ZDHHC20: variants seen among roughly 807,000 people sequenced by gnomAD.
The protein encoded by ZDHHC20 is zDHHC palmitoyltransferase 20.
Under a neutral mutation model 57.8 loss-of-function variants are expected in ZDHHC20, and 43 were observed. That is an observed-to-expected ratio of 0.74 (90% CI 0.58 to 0.96). The LOEUF is 0.96. Ranked by LOEUF, ZDHHC20 falls within the 40% of genes least tolerant of loss-of-function variation. The probability of loss-of-function intolerance (pLI) is 0.00; values close to 1 mark genes in which losing one functional copy is unlikely to be tolerated. For missense variants in ZDHHC20, 391 were observed against 441.1 expected (o/e 0.89, Z 1.02); for synonymous variants, 157 against 153.0 (o/e 1.03, Z -0.19).
At chr13:21,404,425 T>C (rs1878159737) in intron 4 of ZDHHC20, 3 of 454,972 alleles carry the variant, frequency 6.6e-6, no homozygotes, top group Non-Finnish European at 1.3e-5. Context: ...AACCCTAATA[T>C]GGAAAAATAC....
At chr13:21,420,009 G>T (rs934573017) in intron 3 of ZDHHC20, among the ~76,000 whole-genome samples, 1 of 152,170 alleles carries the variant, frequency 6.6e-6, no homozygotes, top group African/African-American at 2.4e-5. Context: ...GCTTAGGCCG[G>T]GCGTAAATGG....
chr13:21,451,938 G>A (rs775210190), intron 1 of ZDHHC20, among the ~76,000 whole-genome samples: 31 of 149,222 alleles, frequency 2.1e-4, no homozygotes, highest in Admixed American at 6.0e-4. Flanking sequence ...AGGTTGCAAT[G>A]AGCCGAGATC....
In ZDHHC20 at chr13:21,437,792, C is replaced by T. The variant is rs55757092; in HGVS notation, c.119-12114G>A. On this transcript the variant is annotated intron_variant, in intron 1 of 12. Transcript: ENST00000400590. ...CTGCCACCTCCACCTCCCGGGTTCA[C>T]GCCATTCTCCTGCCTCAGCCTCCTA... Among the ~76,000 whole-genome samples the T allele has an allele frequency of 5.5e-3, 838 of 152,104 alleles. 5 individuals carry two copies. The highest frequency in any genetic ancestry group is 9.0e-3 in the Non-Finnish European group (610 of 67,990).
chr13:21,382,505 CATT>C (rs1873603463), intron 10 of ZDHHC20, among the ~76,000 whole-genome samples: 1 of 152,142 alleles, frequency 6.6e-6, no homozygotes, highest in Admixed American at 6.5e-5. Flanking sequence ...TTTGAATCCT[CATT>C]ATTTTGATAG....
At chr13:21,441,485 A>C in intron 1 of ZDHHC20, among the ~76,000 whole-genome samples, 1 of 144,110 alleles carries the variant, frequency 6.9e-6, no homozygotes, top group Admixed American at 7.0e-5. Flanking sequence ...TCCTGGGTTC[A>C]CGCCATTCTC....
At chr13:21,381,636 C>T in intron 10 of ZDHHC20, 87 bp from the exon 11 acceptor site, 1 of 899,562 alleles carries the variant, frequency 1.1e-6, no homozygotes, top group Admixed American at 2.3e-5. Context: ...ATTAGTATTC[C>T]TTCTCCTAAA....
chr13:21,424,098 C>T (rs959104440), intron 2 of ZDHHC20, among the ~76,000 whole-genome samples: 2 of 152,014 alleles, frequency 1.3e-5, no homozygotes, highest in African/African-American at 2.4e-5. Flanking sequence ...GCTCTTAACA[C>T]GAGACCTAGA....
intron 1 of ZDHHC20, among the ~76,000 whole-genome samples, chr13:21,454,662 TGAAATA>T (rs1566121834): frequency 2.0e-5 from 3 of 152,132 alleles, no homozygotes; most frequent in Admixed American, 1.3e-4. Flanking sequence ...GAAAAATCAA[TGAAATA>T]GAAAACTGGT....
chr13:21,376,577 TACTTC>T lies in ZDHHC20; in HGVS notation c.*114_*118del. 2 of 1,177,216 alleles carry T rather than the reference TACTTC, an allele frequency of 1.7e-6. No individual in the cohort carries two copies. The highest frequency in any genetic ancestry group is 2.3e-6 in the Non-Finnish European group (2 of 858,096). The allele number at this position is 1,177,216 out of a possible 1,614,324, so 72.9% of individuals were successfully genotyped here. On this transcript the variant is annotated 3_prime_UTR_variant, in exon 13 of 13. Coordinates refer to ENST00000400590, the MANE Select transcript of ZDHHC20 (RefSeq NM_001330059.2). ...GTTTTAAAAAATATATCTTCTGTTA[TACTTC>T]AGTTATTTCATTCCACTGATCATTT...
intron 2 of ZDHHC20, among the ~76,000 whole-genome samples, chr13:21,423,200 A>T (rs1880835899): frequency 6.6e-6 from 1 of 152,194 alleles, no homozygotes; most frequent in Admixed American, 6.5e-5. Flanking sequence ...TCCACTTCTA[A>T]GCCAATATCT....
intron 3 of ZDHHC20, among the ~76,000 whole-genome samples, chr13:21,416,827 A>G (rs970955604): frequency 6.6e-6 from 1 of 152,268 alleles, no homozygotes; most frequent in African/African-American, 2.4e-5. Flanking sequence ...GCTTGAGTAT[A>G]GAGTTCCATG....
At chr13:21,378,855 CT>C in intron 11 of ZDHHC20, 117 bp from the exon 12 acceptor site, 2 of 475,944 alleles carry the variant, frequency 4.2e-6, no homozygotes, top group Non-Finnish European at 7.0e-6. Context: ...ACAAAATAGG[CT>C]TATGGTGTCA....
chr13:21,421,019 A>C, intron 3 of ZDHHC20, 42 bp downstream of exon 3: 1 of 1,516,702 alleles, frequency 6.6e-7, no homozygotes, highest in Non-Finnish European at 9.1e-7. Flanking sequence ...AAAATTCCAT[A>C]ATCAGTTAAA....
chr13:21,380,733 A>G (rs920497852), intron 11 of ZDHHC20, among the ~76,000 whole-genome samples: 1 of 151,462 alleles, frequency 6.6e-6, no homozygotes, highest in Non-Finnish European at 1.5e-5. Context: ...CGGAGGTTGC[A>G]GTAAGCAGAG....
chr13:21,432,421 C>G (rs1882073390), intron 1 of ZDHHC20, among the ~76,000 whole-genome samples: 1 of 152,090 alleles, frequency 6.6e-6, no homozygotes, highest in South Asian at 2.1e-4. Flanking sequence ...GCTCTGCCTC[C>G]TGGGTTCACA....
intron 7 of ZDHHC20, among the ~76,000 whole-genome samples, chr13:21,392,322 C>A (rs903626504): frequency 4.6e-5 from 7 of 152,068 alleles, no homozygotes; most frequent in African/African-American, 1.2e-4. Flanking sequence ...AAGCTTTCTC[C>A]AACATCCGAC....
intron 7 of ZDHHC20, among the ~76,000 whole-genome samples, chr13:21,397,004 A>C (rs992301616): frequency 2.0e-5 from 3 of 152,092 alleles, no homozygotes; most frequent in African/African-American, 7.2e-5. Flanking sequence ...TTGCTTTTTC[A>C]CTCCAAAAGT....
chr13:21,428,171 G>A (rs1881496574), intron 1 of ZDHHC20, among the ~76,000 whole-genome samples: 1 of 152,106 alleles, frequency 6.6e-6, no homozygotes, highest in African/African-American at 2.4e-5. Flanking sequence ...CTCTCTCAGT[G>A]AGACGAGGCT....
Position 21,401,698 on chromosome 13 carries a change from C to A in ZDHHC20, c.441-13G>T. On this transcript the variant is annotated splice_polypyrimidine_tract_variant and intron_variant, in intron 5 of 12. Coordinates refer to ENST00000400590, the MANE Select transcript of ZDHHC20 (RefSeq NM_001330059.2). ...CTTAAGAATACATCTAGGAAACAAA[C>A]AAGCATAAGAAAATCCATGCAGAAA... 1 of 1,499,144 alleles carries A rather than the reference C, an allele frequency of 6.7e-7. No individual in the cohort carries two copies. The highest frequency in any genetic ancestry group is 8.9e-7 in the Non-Finnish European group (1 of 1,128,918). The allele number at this position is 1,499,144 out of a possible 1,614,324, so 92.9% of individuals were successfully genotyped here.
Sources: gnomAD v4.1 joint callset for allele counts (sites outside exome capture counted in the v4.1 genomes callset) on GRCh38, gnomAD v4.1.1 for gene constraint, MANE v1.5 for transcripts, NCBI Gene and HGNC (gene_info 2026-07-23, HGNC 2026-07-21) for gene names.